Variants in SGK1 observed in about 807,000 individuals in gnomAD.
SGK1 encodes the protein serine/threonine-protein kinase Sgk1.
A neutral mutation model predicts 64.2 loss-of-function variants in SGK1; 26 were observed. That is an observed-to-expected ratio of 0.40 (90% confidence interval 0.30 to 0.56). The LOEUF is 0.56. SGK1 is among the 20% of genes least tolerant of loss of function. The pLI is 0.38. For synonymous variants in SGK1, 265 were observed against 239.7 expected (o/e 1.11, Z -0.98); for missense variants, 519 against 645.6 (o/e 0.80, Z 2.12).
At chr6:134,215,347 C>T (rs1744282304) in intron 2 of SGK1, among the ~76,000 whole-genome samples, 1 of 151,578 alleles carries the variant, frequency 6.6e-6, no homozygotes, top group African/African-American at 2.4e-5. Flanking sequence ...AACACCTGAC[C>T]TCAAGAGATC....
chr6:134,289,050 T>A (rs1244402845), intron 1 of SGK1, among the ~76,000 whole-genome samples: 1 of 152,216 alleles, frequency 6.6e-6, no homozygotes, highest in Non-Finnish European at 1.5e-5. Flanking sequence ...CCTGTCCTAA[T>A]GCTCCCTCCA....
At chr6:134,284,537 G>A (rs1268804166) in intron 1 of SGK1, among the ~76,000 whole-genome samples, 1 of 149,648 alleles carries the variant, frequency 6.7e-6, no homozygotes, top group Admixed American at 6.7e-5. Flanking sequence ...CCAGGCTGGA[G>A]TACAATGGAA....
intron 2 of SGK1, among the ~76,000 whole-genome samples, chr6:134,208,193 T>C (rs1775825138): frequency 6.6e-6 from 1 of 152,184 alleles, no homozygotes; most frequent in African/African-American, 2.4e-5. Context: ...ATTATAAGCG[T>C]GAACCACCGC....
At chr6:134,206,383 A>ATATATATT (rs1562250478) in intron 3 of SGK1, among the ~76,000 whole-genome samples, 6 of 16,598 alleles carry the variant, frequency 3.6e-4, no homozygotes, top group Admixed American at 1.0e-3. Context: ...ATATATATAT[A>ATATATATT]TTTTTTTTTT....
chr6:134,216,680 A>G (rs537256876), intron 2 of SGK1, among the ~76,000 whole-genome samples: 3 of 152,382 alleles, frequency 2.0e-5, no homozygotes, highest in Admixed American at 2.0e-4. Context: ...GGAACCCGAT[A>G]TCATGTACCT....
At chr6:134,180,871 CAAAA>C (rs11345877) in intron 3 of SGK1, among the ~76,000 whole-genome samples, 10 of 127,982 alleles carry the variant, frequency 7.8e-5, no homozygotes, top group Middle Eastern at 4.1e-3. Context: ...GATCCTATCT[CAAAA>C]AAAAAAAAAA....
intron 1 of SGK1, among the ~76,000 whole-genome samples, chr6:134,264,352 C>T (rs1045256069): frequency 5.9e-5 from 9 of 152,010 alleles, no homozygotes; most frequent in East Asian, 1.9e-4. Flanking sequence ...ATCTCCTGAC[C>T]TCATGATCCG....
chr6:134,290,418 G>C (rs1421104530), intron 1 of SGK1, among the ~76,000 whole-genome samples: 1 of 149,236 alleles, frequency 6.7e-6, no homozygotes, highest in Non-Finnish European at 1.5e-5. Context: ...ATAAATCTGT[G>C]ATTTTCTGTC....
intron 2 of SGK1, chr6:134,260,458 G>A (rs1056882005): frequency 6.8e-6 from 1 of 147,238 alleles, no homozygotes; most frequent in Non-Finnish European, 1.5e-5. Flanking sequence ...GATTACCTGA[G>A]GTTGGGAGTT....
intron 3 of SGK1, among the ~76,000 whole-genome samples, chr6:134,193,114 T>C (rs1405389252): frequency 6.6e-6 from 1 of 152,250 alleles, no homozygotes; most frequent in Non-Finnish European, 1.5e-5. Flanking sequence ...GTCAGGCATA[T>C]AAGCTGATAT....
chr6:134,226,571 G>A (rs1776183648), intron 2 of SGK1, among the ~76,000 whole-genome samples: 1 of 151,846 alleles, frequency 6.6e-6, no homozygotes, highest in Non-Finnish European at 1.5e-5. Flanking sequence ...GTACGCACCT[G>A]TAGTCCCAGC....
chr6:134,296,302 T>C (rs1307904996), intron 1 of SGK1, among the ~76,000 whole-genome samples: 1 of 152,182 alleles, frequency 6.6e-6, no homozygotes, highest in African/African-American at 2.4e-5. Context: ...AGGCGAGATA[T>C]TGCTGTGTTG....
intron 1 of SGK1, among the ~76,000 whole-genome samples, chr6:134,310,776 C>T (rs571652669): frequency 2.0e-5 from 3 of 152,228 alleles, no homozygotes; most frequent in Non-Finnish European, 4.4e-5. Context: ...TTAGTAGAGA[C>T]GGGATTTCAC....
At chr6:134,250,364 A>C (rs1043937971) in intron 2 of SGK1, among the ~76,000 whole-genome samples, 6 of 152,212 alleles carry the variant, frequency 3.9e-5, no homozygotes, top group African/African-American at 1.4e-4. Context: ...ATACCAGTGC[A>C]TTTCAGTTGA....
intron 3 of SGK1, among the ~76,000 whole-genome samples, chr6:134,181,398 G>A (rs1193194965): frequency 6.6e-6 from 1 of 152,016 alleles, no homozygotes; most frequent in Non-Finnish European, 1.5e-5. Flanking sequence ...AGACTGGAGT[G>A]CAGTGGCGTG....
rs977161536 is a variant in SGK1 at position 134,169,450 on chromosome 6, A to G, written c.*818T>C. 1.3e-5 allele frequency: 2 copies of G among 152,398 alleles called. No homozygotes were observed. The highest frequency in any genetic ancestry group is 2.9e-5 in the Non-Finnish European group (2 of 67,990). The allele number at this position is 152,398 out of a possible 1,614,324, so 9.4% of individuals were successfully genotyped here. On this transcript the variant is annotated 3_prime_UTR_variant, in exon 14 of 14. Coordinates refer to ENST00000367858, the MANE Select transcript of SGK1 (RefSeq NM_001143676.3). Reference sequence around the variant, plus strand: ...AACCCAATGTACAGACGTTCTTTATACAATACATACAATTATCAGGAATGC... The same window carrying G: ...AACCCAATGTACAGACGTTCTTTATGCAATACATACAATTATCAGGAATGC...
chr6:134,317,506 G>A lies in SGK1; in HGVS notation c.-46C>T, dbSNP rs556819686. 9 of 1,205,076 alleles carry A rather than the reference G, an allele frequency of 7.5e-6. No homozygotes were observed. The highest frequency in any genetic ancestry group is 7.5e-5 in the African/African-American group (5 of 67,078). The allele number at this position is 1,205,076 out of a possible 1,614,324, so 74.6% of individuals were successfully genotyped here. On this transcript the variant is annotated 5_prime_UTR_variant, in exon 1 of 14. Coordinates refer to ENST00000367858, the MANE Select transcript of SGK1 (RefSeq NM_001143676.3). ...CAGTTATAGATCCAGGTTGGCACCC[G>A]CCTGGTTAGTGCATATCTGTTTCCC...
chr6:134,244,782 A>C (rs1324293463), intron 2 of SGK1, among the ~76,000 whole-genome samples: 1 of 151,990 alleles, frequency 6.6e-6, no homozygotes, highest in Non-Finnish European at 1.5e-5. Flanking sequence ...CGGGAATCTT[A>C]TTTATTTTTT....
At chr6:134,283,873 C>CAAAAAAAAAA (rs35999916) in intron 1 of SGK1, among the ~76,000 whole-genome samples, 2 of 26,152 alleles carry the variant, frequency 7.6e-5, no homozygotes, top group African/African-American at 1.2e-4. Flanking sequence ...CTGCCACCAC[C>CAAAAAAAAAA]AAAAAAAAAA....
Sources: gnomAD v4.1 joint callset for allele counts (sites outside exome capture counted in the v4.1 genomes callset) on GRCh38, gnomAD v4.1.1 for gene constraint, MANE v1.5 for transcripts, NCBI Gene and HGNC (gene_info 2026-07-23, HGNC 2026-07-21) for gene names.